The following CCDC27 variants were observed in gnomAD, a reference collection of about 807,000 sequenced individuals.
CCDC27 encodes the protein coiled-coil domain containing 27, also known as coiled-coil domain-containing protein 27.
In CCDC27, 80 loss-of-function variants were observed where a neutral mutation model predicts 80.3. The observed-to-expected ratio is 1.00, with a 90% CI of 0.83 to 1.20. The LOEUF (loss-of-function observed/expected upper bound fraction) is 1.20. Ranked by LOEUF, CCDC27 falls within the 50% of genes most tolerant of loss-of-function variation. CCDC27 has a pLI of 0.00. For missense variants in CCDC27, 815 were observed against 809.4 expected, an observed-to-expected ratio of 1.01 and a Z score of -0.08; for synonymous variants, 342 against 334.3, an observed-to-expected ratio of 1.02 and a Z score of -0.25.
chr1:3,766,837 CTTT>C lies in CCDC27; in HGVS notation c.1530+245_1530+247del, dbSNP rs34635257. Among the ~76,000 whole-genome samples, 13 of 105,454 alleles carry C rather than the reference CTTT, an allele frequency of 1.2e-4. No individual in the cohort carries two copies. Among genetic ancestry groups the C allele is most frequent in the Admixed American group, 7.4e-4 (7 of 9,502 alleles). The allele number at this position is 105,454 out of a possible 152,430, so 69.2% of individuals were successfully genotyped here. ...AGGGACCCAGCAAGCGTTCCCAGTC[CTTT>C]TTTTTTTTTTTTTTTTTTTGAGACA... On this transcript the variant is annotated intron_variant, in intron 9 of 11. Coordinates refer to ENST00000294600, the MANE Select transcript of CCDC27 (RefSeq NM_152492.3). The surrounding 1 kb of genome is among the most constrained non-coding windows in gnomAD (Gnocchi z 6.1).
At chr1:3,755,132 G>C (rs72846554) in intron 2 of CCDC27, among the ~76,000 whole-genome samples, 5,116 of 152,310 alleles carry the variant, frequency 0.034, 273 homozygotes, top group African/African-American at 0.12. Context: ...GCCTTGGATG[G>C]GCTGGTCTGG....
intron 11 of CCDC27, among the ~76,000 whole-genome samples, chr1:3,771,143 C>T (rs972587811): frequency 7.2e-5 from 11 of 152,288 alleles, no homozygotes; most frequent in Non-Finnish European, 1.3e-4. Flanking sequence ...ACTTCACTTC[C>T]GTGGCTGAAA....
In CCDC27 at chr1:3,763,490, G is replaced by C; in HGVS notation, c.1321+16G>C. On this transcript the variant is annotated intron_variant, in intron 7 of 11. Transcript: ENST00000294600. This position sits in a 1 kb window ranked among gnomAD's most constrained non-coding sequence, Gnocchi z 7.5. The stretch of plus-strand genomic sequence containing the variant: ...CTTGCAACAGGTAGGGCCTCGGCGG[G>C]GGGCACTGGGCTTTGGCCACTCAGT... The C allele has an allele frequency of 5.7e-6, 9 of 1,575,642 alleles. No individual in the cohort carries two copies. The highest frequency in any genetic ancestry group is 7.8e-6 in the Non-Finnish European group (9 of 1,160,886).
chr1:3,770,540 G>A (rs1021988660), intron 11 of CCDC27, among the ~76,000 whole-genome samples: 2 of 152,250 alleles, frequency 1.3e-5, no homozygotes, highest in African/African-American at 4.8e-5. Context: ...TGGGAGCCGG[G>A]CACCGGCTAT....
At chr1:3,758,758 T>C (rs543843978) in intron 4 of CCDC27, among the ~76,000 whole-genome samples, 22 of 152,256 alleles carry the variant, frequency 1.4e-4, no homozygotes, top group African/African-American at 5.3e-4. Context: ...ACCATGCCCA[T>C]TAATTTTTTT....
chr1:3,757,127 C>T (rs879796869), intron 4 of CCDC27: 10 of 413,904 alleles, frequency 2.4e-5, no homozygotes, highest in Admixed American at 4.1e-5. Flanking sequence ...CTCACCGGCA[C>T]GCATGACTTC....
chr1:3,769,363 C>T lies in CCDC27; in HGVS notation c.1744-420C>T, dbSNP rs935058089. ...AGCACCAGCAGCGCACTGTTAAATG[C>T]CTAAAGTGAGAGTGTCCCCAAGGGC... On this transcript the variant is annotated intron_variant, in intron 10 of 11. Transcript: ENST00000294600. The surrounding 1 kb of genome is among the most constrained non-coding windows in gnomAD (Gnocchi z 4.6). Among the ~76,000 whole-genome samples the T allele has an allele frequency of 6.8e-4, 104 of 152,158 alleles. No homozygotes were observed. The highest frequency in any genetic ancestry group is 2.8e-4 in the Non-Finnish European group (19 of 68,014).
At chr1:3,757,425 TTTA>T (rs778017863) in intron 4 of CCDC27, among the ~76,000 whole-genome samples, 6 of 151,660 alleles carry the variant, frequency 4.0e-5, no homozygotes, top group Admixed American at 2.0e-4. Context: ...CTTTTTTTAT[TTTA>T]TTATTATTAT....
intron 2 of CCDC27, 134 bp from the exon 3 acceptor site, chr1:3,755,323 C>T: frequency 1.4e-6 from 1 of 731,440 alleles, no homozygotes; most frequent in Non-Finnish European, 2.4e-6. Flanking sequence ...AGCCCTTGCT[C>T]AGTCCCATGC....
rs1179429043 is a variant in CCDC27, at chr1:3,755,472, C to T, written c.458C>T (p.Ala153Val). 4 of 1,614,012 alleles carry T rather than the reference C, an allele frequency of 2.5e-6. No homozygotes were observed. The East Asian group carries it at 8.9e-5, about 36-fold the overall frequency. Reference protein sequence around the residue: ...SMSHCGSPTEADLSGEIDNSS... With the variant: ...SMSHCGSPTEVDLSGEIDNSS... Reference sequence around the variant, plus strand: ...CACTCTACAGGTTCACCCACTGAGGCCGATTTGTCCGGAGAGATTGACAAC... The same window carrying T: ...CACTCTACAGGTTCACCCACTGAGGTCGATTTGTCCGGAGAGATTGACAAC... The change falls in exon 3 of 12, where the codon GCC becomes GTC. Residue 153 changes from alanine to valine, a missense_variant. Physicochemically the swap from Ala to Val is moderately conservative, Grantham distance 64. Transcript: ENST00000294600.
chr1:3,762,535 T>TG, intron 5 of CCDC27, 85 bp from the exon 6 acceptor site: 1 of 1,076,822 alleles, frequency 9.3e-7, no homozygotes, highest in Middle Eastern at 2.4e-4. Context: ...GAGAGGCCGC[T>TG]GTCCCTTCTA....
Position 3,766,402 on chromosome 1 carries a change from T to C in CCDC27, c.1453-133T>C. On this transcript the variant is annotated intron_variant, in intron 8 of 11. Coordinates refer to ENST00000294600, the MANE Select transcript of CCDC27 (RefSeq NM_152492.3). The surrounding 1 kb of genome is among the most constrained non-coding windows in gnomAD (Gnocchi z 6.1). ...TTTAGTCCTTTTTCTTCTTCTCTTC[T>C]CCCTGCCTTCAATAGAAATCCCGCT... 1 of 613,460 alleles carries C rather than the reference T, an allele frequency of 1.6e-6. No homozygotes were observed. Among genetic ancestry groups the C allele is most frequent in the Non-Finnish European group, 2.9e-6 (1 of 346,302 alleles). The allele number at this position is 613,460 out of a possible 1,614,324, so 38.0% of individuals were successfully genotyped here.
intron 8 of CCDC27, among the ~76,000 whole-genome samples, chr1:3,765,493 CTT>C (rs751457415): frequency 2.0e-5 from 3 of 152,156 alleles, no homozygotes; most frequent in South Asian, 2.1e-4. Flanking sequence ...CTTTTTGTCT[CTT>C]TGTCTCTTAC....
At chr1:3,764,321 A>G (rs1643175304) in intron 8 of CCDC27, among the ~76,000 whole-genome samples, 1 of 151,992 alleles carries the variant, frequency 6.6e-6, no homozygotes, top group African/African-American at 2.4e-5. Flanking sequence ...GGAGCCTCTG[A>G]CCTCCTCCCT....
rs1032649782 is a variant in CCDC27, at chr1:3,768,594, G to A, written c.1743+1149G>A. On this transcript the variant is annotated intron_variant, in intron 10 of 11. Transcript: ENST00000294600. This position sits in a 1 kb window ranked among gnomAD's most constrained non-coding sequence, Gnocchi z 5.6. ...TGATAAAACAGTTTGGGATCCAGCCGTAGTCCTGGTGAAAGCGTTAGACCA... is the reference window on the plus strand; with the variant it reads ...TGATAAAACAGTTTGGGATCCAGCCATAGTCCTGGTGAAAGCGTTAGACCA... 1.3e-5 allele frequency among the ~76,000 whole-genome samples: 2 copies of A among 152,132 alleles called. No individual in the cohort carries two copies. The highest frequency in any genetic ancestry group is 2.9e-5 in the Non-Finnish European group (2 of 68,034).
rs571778181 is a variant in CCDC27 at position 3,769,533 on chromosome 1, C to G, written c.1744-250C>G. Among the ~76,000 whole-genome samples the G allele has an allele frequency of 6.6e-6, 1 of 152,220 alleles. No homozygotes were observed. Among genetic ancestry groups the G allele is most frequent in the Non-Finnish European group, 1.5e-5 (1 of 68,006 alleles). On this transcript the variant is annotated intron_variant, in intron 10 of 11. Transcript: ENST00000294600. This position sits in a 1 kb window ranked among gnomAD's most constrained non-coding sequence, Gnocchi z 4.6. ...TTACTTTCCAATTAGAAAAGCCCAC[C>G]TGGTGTAGGAGAGTCTTTGGGCTTT...
At chr1:3,753,859 G>C (rs773875705) in intron 1 of CCDC27, among the ~76,000 whole-genome samples, 7 of 152,106 alleles carry the variant, frequency 4.6e-5, no homozygotes, top group Non-Finnish European at 7.4e-5. Flanking sequence ...GCCCCCGTCT[G>C]TCTAGGCTTC....
In CCDC27 at chr1:3,761,581, G is replaced by A; in HGVS notation, c.861+151G>A. On this transcript the variant is annotated intron_variant, in intron 5 of 11. Transcript: ENST00000294600. This position sits in a 1 kb window ranked among gnomAD's most constrained non-coding sequence, Gnocchi z 5.0. Reference sequence around the variant, plus strand: ...ACTGGAACGTGGACCGGTTCTCAGGGTTCTGATCAACAGGCAGGGGAGAGG... The same window carrying A: ...ACTGGAACGTGGACCGGTTCTCAGGATTCTGATCAACAGGCAGGGGAGAGG... The A allele has an allele frequency of 1.1e-6, 1 of 908,354 alleles. No individual in the cohort carries two copies. The highest frequency in any genetic ancestry group is 1.6e-6 in the Non-Finnish European group (1 of 619,774). The allele number at this position is 908,354 out of a possible 1,614,324, so 56.3% of individuals were successfully genotyped here.
At chr1:3,765,901 C>G (rs1643216258) in intron 8 of CCDC27, among the ~76,000 whole-genome samples, 1 of 149,962 alleles carries the variant, frequency 6.7e-6, no homozygotes, top group Admixed American at 6.7e-5. Context: ...TGGGTTCTCA[C>G]TCTGTCACCC....
Sources: allele counts gnomAD v4.1 joint callset (sites outside exome capture counted in the v4.1 genomes callset), GRCh38; gene constraint gnomAD v4.1.1; non-coding constraint Gnocchi (gnomAD v3.1); transcripts MANE v1.5; gene names NCBI Gene and HGNC (gene_info 2026-07-23, HGNC 2026-07-21).